Variants in DNAH3 observed in about 807,000 individuals in gnomAD.
DNAH3 encodes the protein dynein axonemal heavy chain 3, also known as axonemal beta dynein heavy chain 3.
Under a neutral mutation model 432.5 loss-of-function variants are expected in DNAH3, and 332 were observed. The ratio of observed to expected loss-of-function variants is 0.77; its 90% CI spans 0.70 to 0.84. The LOEUF (loss-of-function observed/expected upper bound fraction) is 0.84, where lower values mean the gene tolerates loss of function less well. Ranked by LOEUF, DNAH3 falls within the 40% of genes least tolerant of loss-of-function variation. The pLI, the probability that DNAH3 is intolerant of heterozygous loss-of-function variation, is 0.00. For missense variants in DNAH3, 4,861 were observed against 5,114.0 expected (o/e 0.95, Z 1.51); for synonymous variants, 1,956 against 1,900.2 (o/e 1.03, Z -0.76).
At chr16:21,104,317 C>G in intron 16 of DNAH3, 154 bp downstream of exon 16, 2 of 681,044 alleles carry the variant, frequency 2.9e-6, no homozygotes, top group Non-Finnish European at 5.3e-6. Flanking sequence ...AGTGGGAAAC[C>G]AAAGGAAATG....
intron 3 of DNAH3, among the ~76,000 whole-genome samples, chr16:21,142,885 G>A (rs989738974): frequency 1.6e-4 from 24 of 151,814 alleles, no homozygotes; most frequent in Non-Finnish European, 2.4e-4. Flanking sequence ...AACTCCTGGG[G>A]GCAAGCAACC....
chr16:21,128,691 TA>T (rs11074482), intron 7 of DNAH3, among the ~76,000 whole-genome samples: 61,092 of 138,256 alleles, frequency 0.44, 13,399 homozygotes, highest in East Asian at 0.68. Context: ...GAGACTCGTC[TA>T]AAAAAAAAAA....
intron 3 of DNAH3, among the ~76,000 whole-genome samples, chr16:21,143,565 A>C (rs1812407484): frequency 1.3e-5 from 2 of 152,198 alleles, no homozygotes; most frequent in South Asian, 4.1e-4. Context: ...ATAGCAGCCC[A>C]AAAGGAACTA....
Position 20,987,466 on chromosome 16 carries a change from A to G in DNAH3, c.6883-18T>C, listed in dbSNP as rs376380891. 158 of 1,613,632 alleles carry G rather than the reference A, an allele frequency of 9.8e-5. No individual in the cohort carries two copies. Among genetic ancestry groups the G allele is most frequent in the Middle Eastern group, 6.6e-4 (4 of 6,084 alleles). On this transcript the variant is annotated intron_variant, in intron 46 of 61. Transcript: ENST00000261383. The stretch of plus-strand genomic sequence containing the variant: ...TCTACATCCTAAAAATCCAGAGTTA[A>G]TTATTCAAACGAGTGGAAGATGGTC...
chr16:21,015,469 G>A (rs537076629), intron 41 of DNAH3, among the ~76,000 whole-genome samples: 7 of 152,288 alleles, frequency 4.6e-5, no homozygotes, highest in African/African-American at 1.7e-4. Context: ...GCATGATTCT[G>A]TAATGGTGAA....
intron 52 of DNAH3, among the ~76,000 whole-genome samples, chr16:20,969,028 C>T (rs1212591207): frequency 6.6e-6 from 1 of 151,798 alleles, no homozygotes; most frequent in Non-Finnish European, 1.5e-5. Context: ...TTACTCTCTC[C>T]TGTATGTCTG....
intron 50 of DNAH3, among the ~76,000 whole-genome samples, chr16:20,975,759 T>G (rs1269768387): frequency 5.3e-5 from 8 of 152,186 alleles, no homozygotes; most frequent in African/African-American, 1.9e-4. Flanking sequence ...GTTAAGACTT[T>G]TTTTTGACAG....
rs183452622 is a variant in DNAH3, at chr16:21,125,417, G to A, written c.1209-47C>T. The A allele has an allele frequency of 3.9e-5, 58 of 1,483,718 alleles. 1 individual carries two copies. The East Asian group carries it at 7.6e-4, about 19-fold the overall frequency. The allele number at this position is 1,483,718 out of a possible 1,614,324, so 91.9% of individuals were successfully genotyped here. ...CATGTGAGAAGCTCTTCTGGGCTCCGAGGAACCCACTTGCCGTGCCCCCTG... is the reference window on the plus strand; with the variant it reads ...CATGTGAGAAGCTCTTCTGGGCTCCAAGGAACCCACTTGCCGTGCCCCCTG... On this transcript the variant is annotated intron_variant, in intron 8 of 61. Transcript: ENST00000261383.
rs764431407 is a variant in DNAH3, at chr16:21,081,976, T to C, written c.2878-249A>G. ...GCAACACAGTGCCATCATAGCTCAC[T>C]GCTGCTTTGACCTCCCAGGCCCAAG... On this transcript the variant is annotated intron_variant, in intron 19 of 61. Coordinates refer to ENST00000261383, the Ensembl canonical transcript of DNAH3. Among the ~76,000 whole-genome samples, 39 of 152,304 alleles carry C rather than the reference T, an allele frequency of 2.6e-4. No homozygotes were observed. The Middle Eastern group carries it at 0.014, about 53-fold the overall frequency.
At chr16:21,106,177 T>TAA (rs767198150) in intron 15 of DNAH3, among the ~76,000 whole-genome samples, 57 of 97,524 alleles carry the variant, frequency 5.8e-4, no homozygotes, top group South Asian at 7.3e-4. Flanking sequence ...AGACTCCATC[T>TAA]AAAAAAAAAA....
At chr16:20,940,316 C>A (rs1312243236) in intron 59 of DNAH3, among the ~76,000 whole-genome samples, 1 of 151,404 alleles carries the variant, frequency 6.6e-6, no homozygotes, top group Admixed American at 6.6e-5. Context: ...TCCCGGCTTG[C>A]CTCCCAAAGT....
chr16:21,067,188 AGATTGGTT>A, intron 24 of DNAH3, 87 bp downstream of exon 24: 1 of 1,343,444 alleles, frequency 7.4e-7, no homozygotes, highest in Non-Finnish European at 1.1e-6. Context: ...AGTATGGACT[AGATTGGTT>A]GAAGCCAACT....
At chr16:21,127,635 T>C in intron 8 of DNAH3, 52 bp downstream of exon 9, 2 of 1,597,246 alleles carry the variant, frequency 1.3e-6, no homozygotes, top group Non-Finnish European at 1.7e-6. Flanking sequence ...TCAGAGGGTT[T>C]TCAGTCTTTA....
In DNAH3 at chr16:20,997,216, T is replaced by G. The variant is rs192459238; in HGVS notation, c.6601+67A>C. On this transcript the variant is annotated intron_variant, in intron 44 of 61. Transcript: ENST00000261383. ...CAGACTGTGGCACACCAACCCACCT[T>G]TCATAAAGGTGGCCCAGCTCTGCTG... 4,971 of 1,541,770 alleles carry G rather than the reference T, an allele frequency of 3.2e-3. 9 individuals are homozygous for G. The highest frequency in any genetic ancestry group is 4.2e-3 in the Non-Finnish European group (4,762 of 1,133,302).
chr16:21,015,495 T>C (rs1028037367), intron 41 of DNAH3, among the ~76,000 whole-genome samples: 1 of 152,208 alleles, frequency 6.6e-6, no homozygotes, highest in Admixed American at 6.5e-5. Context: ...GACATTTACA[T>C]CTTTGTCAAA....
chr16:21,144,163 A>C (rs1323111419), intron 3 of DNAH3, among the ~76,000 whole-genome samples: 1 of 152,118 alleles, frequency 6.6e-6, no homozygotes, highest in African/African-American at 2.4e-5. Flanking sequence ...GACAGCCCCC[A>C]ATGATCCCCA....
chr16:21,137,261 T>TAA (rs60457553), intron 5 of DNAH3, among the ~76,000 whole-genome samples: 2,915 of 116,962 alleles, frequency 0.025, 110 homozygotes, highest in African/African-American at 0.086. Flanking sequence ...GATTTCTGTC[T>TAA]AAAAAAAAAA....
chr16:20,984,654 G>GA (rs1032705454), intron 48 of DNAH3, among the ~76,000 whole-genome samples: 4 of 152,126 alleles, frequency 2.6e-5, no homozygotes, highest in Non-Finnish European at 4.4e-5. Context: ...CAGATCACTT[G>GA]AAGCCAGGAG....
exon 60 of DNAH3, chr16:20,936,711 G>T: frequency 6.2e-7 from 1 of 1,609,034 alleles, no homozygotes; most frequent in East Asian, 2.2e-5. Flanking sequence ...TTCAGTGATG[G>T]GTAAGACTTG....
Sources: allele counts gnomAD v4.1 joint callset (sites outside exome capture counted in the v4.1 genomes callset), GRCh38; gene constraint gnomAD v4.1.1; transcripts MANE v1.5; gene names NCBI Gene and HGNC (gene_info 2026-07-23, HGNC 2026-07-21).